Variants in SHLD2 observed in about 807,000 individuals in gnomAD.
The protein encoded by SHLD2 is RINN1-REV7-interacting novel NHEJ regulator 2.
Under a neutral mutation model 73.2 loss-of-function variants are expected in SHLD2, and 30 were observed. The ratio of observed to expected loss-of-function variants is 0.41; its 90% CI spans 0.31 to 0.56. SHLD2 has a LOEUF of 0.56. Among genes scored for constraint, SHLD2 ranks in the 20% least tolerant of loss-of-function variants. The pLI is 0.28. For synonymous variants in SHLD2, 285 were observed against 370.1 expected (o/e 0.77, Z 2.64); for missense variants, 745 against 1,055.9 (o/e 0.71, Z 4.08).
chr10:87,104,121 C>T (rs955082802), intron 2 of SHLD2, among the ~76,000 whole-genome samples: 3 of 149,502 alleles, frequency 2.0e-5, no homozygotes, highest in Non-Finnish European at 4.4e-5. Context: ...CTTGTAATCC[C>T]AGCTACTTGG....
chr10:87,129,205 C>T (rs1199196754), intron 2 of SHLD2, among the ~76,000 whole-genome samples: 1 of 152,194 alleles, frequency 6.6e-6, no homozygotes, highest in Non-Finnish European at 1.5e-5. Context: ...ATTCTCATGC[C>T]TCAGCTTCCC....
intron 2 of SHLD2, among the ~76,000 whole-genome samples, chr10:87,130,769 C>A (rs999298759): frequency 6.6e-6 from 1 of 152,080 alleles, no homozygotes; most frequent in African/African-American, 2.4e-5. Flanking sequence ...TTTGTTTATG[C>A]CTTAAAAATA....
intron 2 of SHLD2, among the ~76,000 whole-genome samples, chr10:87,098,526 A>AC (rs1407542219): frequency 6.6e-6 from 1 of 152,022 alleles, no homozygotes; most frequent in East Asian, 1.9e-4. Context: ...AAAAAAAAAA[A>AC]AAAACAGGGA....
At chr10:87,176,918 A>G (rs561164381) in intron 7 of SHLD2, among the ~76,000 whole-genome samples, 2 of 152,318 alleles carry the variant, frequency 1.3e-5, no homozygotes, top group East Asian at 3.9e-4. Flanking sequence ...GTTTAAATTA[A>G]TAATATTTCT....
chr10:87,101,069 A>C (rs9421582), intron 2 of SHLD2, among the ~76,000 whole-genome samples: 19,941 of 152,270 alleles, frequency 0.13, 2,219 homozygotes, highest in East Asian at 0.63. Context: ...GTCAGAGGAT[A>C]AGTTTTGCAC....
At chr10:87,119,036 T>C (rs1192304837) in intron 2 of SHLD2, among the ~76,000 whole-genome samples, 1 of 151,282 alleles carries the variant, frequency 6.6e-6, no homozygotes, top group Non-Finnish European at 1.5e-5. Context: ...ATTACCCATT[T>C]TTTTCTGTTT....
chr10:87,150,356 G>C (rs1346442082), intron 2 of SHLD2, among the ~76,000 whole-genome samples: 1 of 152,014 alleles, frequency 6.6e-6, no homozygotes, highest in East Asian at 1.9e-4. Context: ...GAACCACTGT[G>C]CTCTGCCCCA....
chr10:87,172,046 T>C (rs1847626264), intron 6 of SHLD2, among the ~76,000 whole-genome samples: 1 of 152,218 alleles, frequency 6.6e-6, no homozygotes, highest in Non-Finnish European at 1.5e-5. Context: ...TTTTGGTTAA[T>C]AGAAGAGAAA....
intron 2 of SHLD2, among the ~76,000 whole-genome samples, chr10:87,146,489 T>TA (rs1845619266): frequency 6.6e-6 from 1 of 151,926 alleles, no homozygotes. Flanking sequence ...AGACGGGGTT[T>TA]TACCATGTTG....
At chr10:87,096,097 G>A (rs977849458) in intron 1 of SHLD2, among the ~76,000 whole-genome samples, 15 of 152,224 alleles carry the variant, frequency 9.9e-5, no homozygotes, top group Non-Finnish European at 1.6e-4. Context: ...CGGGAGTGTA[G>A]TGGCACCATC....
intron 2 of SHLD2, among the ~76,000 whole-genome samples, chr10:87,140,287 G>T (rs1387398115): frequency 2.6e-5 from 4 of 151,622 alleles, no homozygotes; most frequent in African/African-American, 4.8e-5. Context: ...GGGCTTGGTG[G>T]CATGCGACTG....
At chr10:87,162,667 C>T (rs1183885478) in intron 4 of SHLD2, among the ~76,000 whole-genome samples, 1 of 151,988 alleles carries the variant, frequency 6.6e-6, no homozygotes, top group Non-Finnish European at 1.5e-5. Context: ...GCACTCTAGC[C>T]TGGCAAAAGG....
Position 87,151,612 on chromosome 10 carries a change from T to G in SHLD2, c.258T>G (p.Val86=), listed in dbSNP as rs749451832. ...TAGCAAACTGTATGAATAGACATGT[T>G]CATGTGAAAGATGACTTTGTACGTT... ...HFLANCMNRH[V]HVKDDFVRSV... is the part of the protein sequence containing the mutation. The change falls in exon 3 of 10, where the codon GTT becomes GTG. Residue 86 remains valine (V), a synonymous_variant. Coordinates refer to ENST00000298786, the MANE Select transcript of SHLD2 (RefSeq NM_001330112.2). 2 of 1,611,840 alleles carry G rather than the reference T, an allele frequency of 1.2e-6. No individual in the cohort carries two copies. Among genetic ancestry groups the G allele is most frequent in the Middle Eastern group, 4.5e-4 (2 of 4,430 alleles).
chr10:87,145,144 TGTTA>T (rs1845513868), intron 2 of SHLD2, among the ~76,000 whole-genome samples: 1 of 151,836 alleles, frequency 6.6e-6, no homozygotes, highest in South Asian at 2.1e-4. Flanking sequence ...GGTTTCACCG[TGTTA>T]GTCAGGATGG....
chr10:87,126,883 T>G lies in SHLD2; in HGVS notation c.-5-24467T>G, dbSNP rs1268947643. ...TTCTTACTCATTATTATTCCTTAAA[T>G]GAATATTTTAAGCTCCTGATAGAAG... On this transcript the variant is annotated intron_variant, in intron 2 of 9. Coordinates refer to ENST00000298786, the MANE Select transcript of SHLD2 (RefSeq NM_001330112.2). Among the ~76,000 whole-genome samples, 9 of 152,350 alleles carry G rather than the reference T, an allele frequency of 5.9e-5. No individual in the cohort carries two copies. The East Asian group carries it at 1.3e-3, about 23-fold the overall frequency.
chr10:87,110,468 G>A (rs1349251888), intron 2 of SHLD2, among the ~76,000 whole-genome samples: 2 of 151,914 alleles, frequency 1.3e-5, no homozygotes, highest in South Asian at 2.1e-4. Flanking sequence ...TTAGCCGGAA[G>A]TGGTGGCGGG....
rs1392423893 is a variant in SHLD2 at position 87,187,251 on chromosome 10, G to A, written c.2515+51G>A. 4 of 1,081,760 alleles carry A rather than the reference G, an allele frequency of 3.7e-6. No homozygotes were observed. In the African/African-American group the frequency reaches 6.2e-5, roughly 17 times the overall value. The allele number at this position is 1,081,760 out of a possible 1,614,324, so 67.0% of individuals were successfully genotyped here. A position where few individuals can be genotyped will look rare whatever the true frequency, so the allele number is the denominator to read the frequency against. On this transcript the variant is annotated intron_variant, in intron 9 of 9. Coordinates refer to ENST00000298786, the MANE Select transcript of SHLD2 (RefSeq NM_001330112.2). ...AGTTGTTTTATTCAGGAGTATAAATGGTATATCGGAACAGAAAGAGCACTG... is the reference window on the plus strand; with the variant it reads ...AGTTGTTTTATTCAGGAGTATAAATAGTATATCGGAACAGAAAGAGCACTG...
intron 4 of SHLD2, among the ~76,000 whole-genome samples, chr10:87,164,020 T>G (rs1227797991): frequency 2.6e-5 from 4 of 151,306 alleles, no homozygotes; most frequent in African/African-American, 9.7e-5. Context: ...TGCAGTGGCG[T>G]GATCTTAGCT....
chr10:87,104,132 G>A (rs1468332972), intron 2 of SHLD2, among the ~76,000 whole-genome samples: 1 of 151,506 alleles, frequency 6.6e-6, no homozygotes, highest in African/African-American at 2.4e-5. Flanking sequence ...AGCTACTTGG[G>A]AGGCTGAGAC....
Sources: gnomAD v4.1 joint callset for allele counts (sites outside exome capture counted in the v4.1 genomes callset) on GRCh38, gnomAD v4.1.1 for gene constraint, MANE v1.5 for transcripts, NCBI Gene and HGNC (gene_info 2026-07-23, HGNC 2026-07-21) for gene names.